Variants in BRWD3 observed in about 807,000 individuals in gnomAD.
The protein encoded by BRWD3 is bromodomain and WD repeat domain containing 3.
Under a neutral mutation model 149.7 loss-of-function variants are expected in BRWD3, and 10 were observed. That is an observed-to-expected ratio of 0.07 (90% confidence interval 0.04 to 0.11). The LOEUF is 0.11. Among genes scored for constraint, BRWD3 ranks in the 10% least tolerant of loss-of-function variants. The pLI is 1.00. For missense variants in BRWD3, 940 were observed against 1,373.2 expected, an observed-to-expected ratio of 0.68 and a Z score of 4.99; for synonymous variants, 504 against 456.7, an observed-to-expected ratio of 1.10 and a Z score of -1.32.
Position 80,733,514 on chromosome X carries a change from T to C in BRWD3, c.1087-18A>G, listed in dbSNP as rs769624612. ...ACTTTATCCTAAGACATGAAACAGA[T>C]TTTTCGTTAAAATGGACTTATTTGT... On this transcript the variant is annotated intron_variant, in intron 11 of 40. Transcript: ENST00000373275. 8.5e-7 allele frequency: 1 copy of C among 1,175,336 alleles called. No homozygotes were observed. Among genetic ancestry groups the C allele is most frequent in the Non-Finnish European group, 1.2e-6 (1 of 865,118 alleles).
chrX:80,688,873 T>G (rs1350009469), intron 33 of BRWD3, among the ~76,000 whole-genome samples: 1 of 111,125 alleles, frequency 9.0e-6, no homozygotes, highest in Non-Finnish European at 1.9e-5. Context: ...GTGATACATT[T>G]TTCTTAGGTT....
chrX:80,679,652 T>C (rs1258126310), intron 40 of BRWD3, among the ~76,000 whole-genome samples: 3 of 110,927 alleles, frequency 2.7e-5, no homozygotes, highest in Non-Finnish European at 3.8e-5. Flanking sequence ...ATAAGAGATA[T>C]AAGCTAATCA....
intron 22 of BRWD3, among the ~76,000 whole-genome samples, chrX:80,705,702 C>T (rs1036861553): frequency 8.9e-6 from 1 of 112,216 alleles, no homozygotes; most frequent in African/African-American, 3.2e-5. Flanking sequence ...GTACTGAATA[C>T]TGTCAACAAT....
At position 80,744,086 on chromosome X, in the gene BRWD3, A is replaced by G. The variant is rs2073558243; in HGVS notation, c.759T>C (p.Thr253=). The G allele has an allele frequency of 8.3e-7, 1 of 1,211,713 alleles. No homozygotes were observed. The highest frequency in any genetic ancestry group is 1.1e-6 in the Non-Finnish European group (1 of 895,393). Residue 253 remains threonine (T), a synonymous_variant, in exon 8 of 41, where the codon ACT becomes ACC. Transcript: ENST00000373275. ...DKVVRVWCLR[T]CAPVAVLQGH... ...CCTGAAGGACTGCAACGGGTGCACAAGTTCGAAGACACCATACTCTTACTA... is the reference window on the plus strand; with the variant it reads ...CCTGAAGGACTGCAACGGGTGCACAGGTTCGAAGACACCATACTCTTACTA...
intron 3 of BRWD3, 106 bp downstream of exon 3, chrX:80,808,907 C>A: frequency 1.1e-6 from 1 of 904,250 alleles, no homozygotes; most frequent in East Asian, 3.4e-5. Flanking sequence ...GCTACGGGTA[C>A]CCAGATCGAA....
In BRWD3 at chrX:80,671,878, A is replaced by G. The variant is rs1396516536; in HGVS notation, c.*4731T>C. 1 of 112,001 alleles carries G rather than the reference A, an allele frequency of 8.9e-6. No individual in the cohort carries two copies. Among genetic ancestry groups the G allele is most frequent in the Non-Finnish European group, 1.9e-5 (1 of 53,162 alleles). 9.2% of individuals were successfully genotyped at this position (112,001 alleles called of 1,213,427 possible). ...GATAAGTTACAGGACAAAGAAATAA[A>G]TTACTGATTGCCATCACCACAGTAT... is the stretch of plus-strand genomic sequence containing the variant. On this transcript the variant is annotated 3_prime_UTR_variant, in exon 41 of 41. Transcript: ENST00000373275.
intron 6 of BRWD3, among the ~76,000 whole-genome samples, chrX:80,788,453 T>C (rs756586382): frequency 2.3e-4 from 26 of 111,637 alleles, no homozygotes; most frequent in Admixed American, 2.2e-3. Flanking sequence ...CTGGCAAATA[T>C]GCACATGAAA....
chrX:80,750,047 A>G (rs1421187309), intron 6 of BRWD3, among the ~76,000 whole-genome samples: 2 of 112,006 alleles, frequency 1.8e-5, no homozygotes, highest in Non-Finnish European at 3.8e-5. Flanking sequence ...CATGCAAAAG[A>G]ATGAAATTGA....
At chrX:80,689,618 A>G (rs1424719493) in intron 33 of BRWD3, 150 bp downstream of exon 33, 3 of 489,254 alleles carry the variant, frequency 6.1e-6, no homozygotes, top group Non-Finnish European at 1.0e-5. Flanking sequence ...GGTATATGCC[A>G]TCTAAGTACA....
intron 6 of BRWD3, among the ~76,000 whole-genome samples, chrX:80,763,109 T>C (rs368965655): frequency 8.9e-6 from 1 of 112,109 alleles, no homozygotes; most frequent in African/African-American, 3.2e-5. Flanking sequence ...GATTTTTATA[T>C]GCCAGGCACT....
intron 6 of BRWD3, among the ~76,000 whole-genome samples, chrX:80,748,734 C>G (rs1171618383): frequency 9.0e-6 from 1 of 111,669 alleles, no homozygotes; most frequent in Non-Finnish European, 1.9e-5. Flanking sequence ...TCTATCTTGT[C>G]TATTTCTGCT....
intron 6 of BRWD3, among the ~76,000 whole-genome samples, chrX:80,754,521 C>T (rs924628493): frequency 3.6e-5 from 4 of 111,829 alleles, no homozygotes; most frequent in African/African-American, 6.5e-5. Flanking sequence ...TGACCACTCT[C>T]GCTAGGATTT....
rs2072330715 is a variant in BRWD3, at chrX:80,672,403, G to T, written c.*4206C>A. The T allele has an allele frequency of 1.3e-5, 1 of 76,610 alleles. No individual in the cohort carries two copies. Among genetic ancestry groups the T allele is most frequent in the African/African-American group, 5.0e-5 (1 of 20,100 alleles). The allele number at this position is 76,610 out of a possible 1,213,427, so 6.3% of individuals were successfully genotyped here. ...GTGAGGAAGGAAGGAAGGAGGGAAGGAAGAGAGGGAGGGAGGGAGGGGGGA... is the reference window on the plus strand; with the variant it reads ...GTGAGGAAGGAAGGAAGGAGGGAAGTAAGAGAGGGAGGGAGGGAGGGGGGA... On this transcript the variant is annotated 3_prime_UTR_variant, in exon 41 of 41. Coordinates refer to ENST00000373275, the MANE Select transcript of BRWD3 (RefSeq NM_153252.5).
chrX:80,726,296 C>T (rs748396527), intron 14 of BRWD3, among the ~76,000 whole-genome samples: 10 of 100,008 alleles, frequency 1.0e-4, no homozygotes, highest in East Asian at 6.4e-4. Context: ...ACATATAACA[C>T]GTTTACATGT....
chrX:80,720,459 C>G (rs187644775), intron 17 of BRWD3, among the ~76,000 whole-genome samples: 50 of 110,959 alleles, frequency 4.5e-4, no homozygotes, highest in Admixed American at 2.6e-3. Context: ...ATAGAAAAAC[C>G]TTATAGCATA....
intron 20 of BRWD3, among the ~76,000 whole-genome samples, chrX:80,713,283 A>G (rs2073019038): frequency 9.0e-6 from 1 of 111,679 alleles, no homozygotes; most frequent in Admixed American, 9.3e-5. Flanking sequence ...GAGAAATCGG[A>G]TGGTTGCTGT....
intron 7 of BRWD3, 138 bp from the exon 8 acceptor site, chrX:80,744,391 G>A: frequency 2.1e-6 from 1 of 476,650 alleles, no homozygotes; most frequent in Non-Finnish European, 3.7e-6. Context: ...CATATAATAG[G>A]GATCCAGTAG....
intron 27 of BRWD3, 101 bp downstream of exon 27, chrX:80,695,807 T>C: frequency 1.4e-6 from 1 of 695,783 alleles, no homozygotes; most frequent in Non-Finnish European, 2.2e-6. Flanking sequence ...GTAGCTTTTT[T>C]CAGCTAAATG....
chrX:80,807,179 C>T (rs189826587), intron 4 of BRWD3, among the ~76,000 whole-genome samples: 94 of 111,935 alleles, frequency 8.4e-4, no homozygotes, highest in Non-Finnish European at 1.5e-3. Context: ...GAAAGACTGA[C>T]TACAAATTAA....
Sources: allele counts gnomAD v4.1 joint callset (sites outside exome capture counted in the v4.1 genomes callset), GRCh38; gene constraint gnomAD v4.1.1; transcripts MANE v1.5; gene names NCBI Gene and HGNC (gene_info 2026-07-23, HGNC 2026-07-21).